TMTC2: variants seen among roughly 807,000 people sequenced by gnomAD.
The protein encoded by TMTC2 is protein O-mannosyl-transferase TMTC2.
A neutral mutation model predicts 82.4 loss-of-function variants in TMTC2; 43 were observed. The observed-to-expected ratio is 0.52, with a 90% CI of 0.41 to 0.67. TMTC2 has a LOEUF of 0.67. Among genes scored for constraint, TMTC2 ranks in the 30% least tolerant of loss-of-function variants. TMTC2 has a pLI of 0.00. For missense variants in TMTC2, 919 were observed against 1,012.4 expected (o/e 0.91, Z 1.25); for synonymous variants, 408 against 381.9 (o/e 1.07, Z -0.80).
At chr12:82,705,933 A>C (rs1055128770) in intron 1 of TMTC2, among the ~76,000 whole-genome samples, 1 of 152,176 alleles carries the variant, frequency 6.6e-6, no homozygotes, top group African/African-American at 2.4e-5. Context: ...CACCTGACCC[A>C]GACTGGGAGG....
intron 4 of TMTC2, among the ~76,000 whole-genome samples, chr12:82,956,221 C>T (rs972559278): frequency 2.0e-5 from 3 of 152,078 alleles, no homozygotes; most frequent in Non-Finnish European, 4.4e-5. Flanking sequence ...ATCAAAACCT[C>T]ACATATTAAT....
At chr12:82,914,340 C>G (rs1358160321) in intron 3 of TMTC2, among the ~76,000 whole-genome samples, 1 of 151,860 alleles carries the variant, frequency 6.6e-6, no homozygotes. Context: ...ATTCTCTTTT[C>G]TCTAGTATTT....
At chr12:82,777,467 T>G (rs1592513446) in intron 1 of TMTC2, among the ~76,000 whole-genome samples, 1 of 152,110 alleles carries the variant, frequency 6.6e-6, no homozygotes, top group East Asian at 1.9e-4. Context: ...CTGAAAGAAA[T>G]CTTTAGAGGA....
intron 1 of TMTC2, among the ~76,000 whole-genome samples, chr12:82,745,725 CA>C (rs1166825151): frequency 1.3e-5 from 2 of 151,992 alleles, no homozygotes; most frequent in Non-Finnish European, 2.9e-5. Flanking sequence ...TTTATGCTTT[CA>C]AAAAAATACC....
intron 3 of TMTC2, among the ~76,000 whole-genome samples, chr12:82,896,951 T>C (rs1251065634): frequency 6.6e-6 from 1 of 152,194 alleles, no homozygotes; most frequent in Admixed American, 6.5e-5. Flanking sequence ...AAGAGCTTGG[T>C]TTTCACATTT....
chr12:82,779,036 CAAAAAAA>C (rs1196960733), intron 1 of TMTC2, among the ~76,000 whole-genome samples: 1 of 75,180 alleles, frequency 1.3e-5, no homozygotes, highest in Admixed American at 1.7e-4. Context: ...GACTCCATAT[CAAAAAAA>C]AAAAAAAAAA....
At chr12:82,773,884 G>A (rs1315037905) in intron 1 of TMTC2, among the ~76,000 whole-genome samples, 3 of 151,998 alleles carry the variant, frequency 2.0e-5, no homozygotes, top group Admixed American at 6.6e-5. Flanking sequence ...GTCCAGAGAT[G>A]AGAATTTTAG....
chr12:82,799,831 T>C (rs2137034266), intron 1 of TMTC2, among the ~76,000 whole-genome samples: 1 of 152,230 alleles, frequency 6.6e-6, no homozygotes, highest in Non-Finnish European at 1.5e-5. Context: ...AGTTGCTTAC[T>C]GTAGTTGTGG....
chr12:82,899,638 TATATATATATAAGA>T (rs1360941914), intron 3 of TMTC2, among the ~76,000 whole-genome samples: 7 of 123,020 alleles, frequency 5.7e-5, no homozygotes, highest in South Asian at 2.2e-4. Flanking sequence ...ATATGTGGAA[TATATATATATAAGA>T]ATATATATAT....
intron 1 of TMTC2, among the ~76,000 whole-genome samples, chr12:82,718,612 CAGA>C (rs756521969): frequency 6.6e-5 from 10 of 152,172 alleles, no homozygotes; most frequent in Non-Finnish European, 1.0e-4. Context: ...AGCCTGAACT[CAGA>C]AGATGTGTTT....
intron 1 of TMTC2, among the ~76,000 whole-genome samples, chr12:82,788,455 A>G (rs1261221953): frequency 1.3e-5 from 2 of 152,094 alleles, no homozygotes; most frequent in Non-Finnish European, 2.9e-5. Context: ...AAGGTTTGGT[A>G]GCCTAGGAAC....
At chr12:83,088,650 C>T (rs1256896582) in intron 11 of TMTC2, among the ~76,000 whole-genome samples, 2 of 152,160 alleles carry the variant, frequency 1.3e-5, no homozygotes, top group Non-Finnish European at 2.9e-5. Flanking sequence ...TCAGAGCACA[C>T]ACAACATTTA....
At chr12:82,718,091 A>G (rs1451631309) in intron 1 of TMTC2, among the ~76,000 whole-genome samples, 14 of 152,168 alleles carry the variant, frequency 9.2e-5, no homozygotes, top group Admixed American at 7.9e-4. Flanking sequence ...AGTTATTTAT[A>G]TCCTACTGCT....
At chr12:82,941,216 TGCCA>T (rs1246137207) in intron 4 of TMTC2, among the ~76,000 whole-genome samples, 1 of 152,128 alleles carries the variant, frequency 6.6e-6, no homozygotes, top group Non-Finnish European at 1.5e-5. Context: ...CTCACTGTGT[TGCCA>T]GGCTAGATTT....
chr12:83,124,755 C>G (rs889508431), intron 11 of TMTC2, among the ~76,000 whole-genome samples: 1 of 151,984 alleles, frequency 6.6e-6, no homozygotes, highest in Non-Finnish European at 1.5e-5. Flanking sequence ...CTTCTTAGTA[C>G]TGGCTGAAGA....
chr12:82,821,383 G>A (rs913367232), intron 1 of TMTC2, among the ~76,000 whole-genome samples: 1 of 152,060 alleles, frequency 6.6e-6, no homozygotes, highest in Non-Finnish European at 1.5e-5. Context: ...TGTAAATACT[G>A]TTTTAATTAT....
intron 1 of TMTC2, among the ~76,000 whole-genome samples, chr12:82,780,317 T>G (rs1877831393): frequency 6.6e-6 from 1 of 152,158 alleles, no homozygotes; most frequent in Admixed American, 6.5e-5. Flanking sequence ...TTCTCCAGCT[T>G]CAAATAGAAA....
At chr12:82,843,243 C>A (rs993562521) in intron 1 of TMTC2, among the ~76,000 whole-genome samples, 1 of 152,068 alleles carries the variant, frequency 6.6e-6, no homozygotes, top group Non-Finnish European at 1.5e-5. Flanking sequence ...CCCGCCACCA[C>A]GCCCAGCTAA....
intron 8 of TMTC2, among the ~76,000 whole-genome samples, chr12:82,989,730 G>T (rs564303886): frequency 2.7e-4 from 40 of 147,268 alleles, no homozygotes; most frequent in Non-Finnish European, 4.6e-4. Flanking sequence ...GATTTTAAAG[G>T]CTGTTTTATT....
Sources: allele counts gnomAD v4.1 joint callset (sites outside exome capture counted in the v4.1 genomes callset), GRCh38; gene constraint gnomAD v4.1.1; transcripts MANE v1.5; gene names NCBI Gene and HGNC (gene_info 2026-07-23, HGNC 2026-07-21).